The following DTNBP1 variants were observed in gnomAD, a reference collection of about 807,000 sequenced individuals.
The protein encoded by DTNBP1 is dystrobrevin binding protein 1.
In DTNBP1, 35 loss-of-function variants were observed where a neutral mutation model predicts 42.8. The observed-to-expected ratio is 0.82, with a 90% CI of 0.63 to 1.09. DTNBP1 has a LOEUF of 1.09. Among genes scored for constraint, DTNBP1 ranks in the 50% least tolerant of loss-of-function variants. The pLI is 0.00. For synonymous variants in DTNBP1, 171 were observed against 162.2 expected (o/e 1.05, Z -0.41); for missense variants, 457 against 424.2 (o/e 1.08, Z -0.68).
chr6:15,591,968 C>A (rs1776317643), intron 7 of DTNBP1, among the ~76,000 whole-genome samples: 1 of 152,144 alleles, frequency 6.6e-6, no homozygotes, highest in African/African-American at 2.4e-5. Context: ...ACAGCCATGA[C>A]AACACATTGT....
At chr6:15,602,391 T>C (rs1348673106) in intron 6 of DTNBP1, among the ~76,000 whole-genome samples, 4 of 152,204 alleles carry the variant, frequency 2.6e-5, no homozygotes, top group African/African-American at 9.7e-5. Flanking sequence ...CTGCCAGGTG[T>C]GCCTCTGCCT....
intron 7 of DTNBP1, among the ~76,000 whole-genome samples, chr6:15,574,945 G>A (rs1047726551): frequency 4.6e-5 from 7 of 152,172 alleles, no homozygotes; most frequent in African/African-American, 1.7e-4. Context: ...TGAACAGACA[G>A]TTGAAAACAG....
At chr6:15,591,217 C>T (rs1776286178) in intron 7 of DTNBP1, among the ~76,000 whole-genome samples, 1 of 151,480 alleles carries the variant, frequency 6.6e-6, no homozygotes, top group South Asian at 2.1e-4. Context: ...TCAAGCGATT[C>T]TCCTGCCTTA....
intron 7 of DTNBP1, among the ~76,000 whole-genome samples, chr6:15,583,865 C>T (rs993083407): frequency 4.6e-5 from 7 of 152,128 alleles, no homozygotes; most frequent in African/African-American, 1.7e-4. Flanking sequence ...CATCACAACC[C>T]TAATCTTGAT....
intron 7 of DTNBP1, among the ~76,000 whole-genome samples, chr6:15,535,843 G>C (rs1432188324): frequency 1.3e-5 from 2 of 152,206 alleles, no homozygotes; most frequent in African/African-American, 4.8e-5. Context: ...AATGCTGATA[G>C]TGATGTGAAC....
At chr6:15,622,724 T>G (rs1035639695) in intron 5 of DTNBP1, among the ~76,000 whole-genome samples, 1 of 152,224 alleles carries the variant, frequency 6.6e-6, no homozygotes, top group Non-Finnish European at 1.5e-5. Context: ...AAAAGCCATT[T>G]GGGAATGCCT....
intron 7 of DTNBP1, among the ~76,000 whole-genome samples, chr6:15,565,864 C>G (rs1261567219): frequency 6.6e-6 from 1 of 151,964 alleles, no homozygotes; most frequent in Non-Finnish European, 1.5e-5. Context: ...TGTTTGAAAA[C>G]AAAAATCTCA....
chr6:15,524,874 T>C (rs1192661342), intron 8 of DTNBP1, among the ~76,000 whole-genome samples: 3 of 93,394 alleles, frequency 3.2e-5, no homozygotes, highest in Non-Finnish European at 6.1e-5. Context: ...TATTACCTTT[T>C]ACACTTCCTT....
rs762993948 is a variant in DTNBP1, at chr6:15,662,999, G to C, written c.-130C>G. ...ACTCCCACTACCGGCCCCGCCCCCG[G>C]TCTGGTCCTCGCCGCCGCGCCGCAA... is the stretch of plus-strand genomic sequence containing the variant. On this transcript the variant is annotated 5_prime_UTR_variant, in exon 1 of 10. Transcript: ENST00000344537. 3.0e-6 allele frequency: 4 copies of C among 1,345,062 alleles called. No individual in the cohort carries two copies. Among genetic ancestry groups the C allele is most frequent in the African/African-American group, 1.5e-5 (1 of 68,124 alleles). 83.3% of individuals were successfully genotyped at this position (1,345,062 alleles called of 1,614,324 possible).
rs773202322 is a variant in DTNBP1 at position 15,524,548 on chromosome 6, GTTCTC to G, written c.784_788del (p.Glu262HisfsTer10). 3 of 1,610,070 alleles carry G rather than the reference GTTCTC, an allele frequency of 1.9e-6. No individual in the cohort carries two copies. The highest frequency in any genetic ancestry group is 1.1e-5 in the South Asian group (1 of 90,538). ...TACCTAAGGCGGGGGACAGCACAGTGTTCTCTTCTCCTCCAGAGTTCAGGAAGACG... is the reference window on the plus strand; with the variant it reads ...TACCTAAGGCGGGGGACAGCACAGTGTTCTCCTCCAGAGTTCAGGAAGACG... On this transcript the variant is annotated frameshift_variant, in exon 9 of 10. Coordinates refer to ENST00000344537, the MANE Select transcript of DTNBP1 (RefSeq NM_032122.5). LOFTEE classifies it low-confidence loss of function (END_TRUNC).
chr6:15,640,828 C>T (rs1760299782), intron 3 of DTNBP1, among the ~76,000 whole-genome samples: 1 of 152,130 alleles, frequency 6.6e-6, no homozygotes, highest in African/African-American at 2.4e-5. Context: ...AACTGAGGTT[C>T]ATTTCAGTCG....
At chr6:15,612,581 A>C (rs926656081) in intron 6 of DTNBP1, among the ~76,000 whole-genome samples, 1 of 152,240 alleles carries the variant, frequency 6.6e-6, no homozygotes, top group Non-Finnish European at 1.5e-5. Flanking sequence ...ACAAGTAATA[A>C]TACGAGTTAG....
chr6:15,525,979 G>A (rs1300294077), intron 8 of DTNBP1, among the ~76,000 whole-genome samples: 2 of 152,096 alleles, frequency 1.3e-5, no homozygotes, highest in Non-Finnish European at 2.9e-5. Flanking sequence ...AAAAGACAAA[G>A]GCTCTCTAAA....
chr6:15,563,861 G>A (rs1774948560), intron 7 of DTNBP1, among the ~76,000 whole-genome samples: 2 of 152,176 alleles, frequency 1.3e-5, no homozygotes, highest in South Asian at 4.1e-4. Flanking sequence ...AACACCTGAA[G>A]TCAGGAGTTC....
chr6:15,559,821 C>T (rs566876249), intron 7 of DTNBP1, among the ~76,000 whole-genome samples: 4 of 152,294 alleles, frequency 2.6e-5, no homozygotes, highest in East Asian at 1.9e-4. Flanking sequence ...CTTGACCTCT[C>T]GCCAACTGAC....
chr6:15,580,825 A>T (rs1775795407), intron 7 of DTNBP1, among the ~76,000 whole-genome samples: 1 of 152,234 alleles, frequency 6.6e-6, no homozygotes, highest in Non-Finnish European at 1.5e-5. Context: ...GCTGACTGGC[A>T]GAAAAGGTGA....
intron 7 of DTNBP1, among the ~76,000 whole-genome samples, chr6:15,550,370 T>C (rs1008032740): frequency 2.0e-5 from 3 of 152,228 alleles, no homozygotes; most frequent in Non-Finnish European, 2.9e-5. Context: ...ATGAATTCAG[T>C]AGCACTTTAC....
chr6:15,604,804 A>G (rs536517019), intron 6 of DTNBP1, among the ~76,000 whole-genome samples: 27 of 152,230 alleles, frequency 1.8e-4, no homozygotes, highest in Non-Finnish European at 3.2e-4. Flanking sequence ...GGCATTAACT[A>G]TAGTAGATAT....
intron 7 of DTNBP1, among the ~76,000 whole-genome samples, chr6:15,555,698 C>T (rs758391286): frequency 6.6e-6 from 1 of 152,184 alleles, no homozygotes; most frequent in African/African-American, 2.4e-5. Flanking sequence ...CAGGAATCCC[C>T]ACCCCTTTCC....
Sources: gnomAD v4.1 joint callset for allele counts (sites outside exome capture counted in the v4.1 genomes callset) on GRCh38, gnomAD v4.1.1 for gene constraint, MANE v1.5 for transcripts, NCBI Gene and HGNC (gene_info 2026-07-23, HGNC 2026-07-21) for gene names.